The following NFAM1 variants were observed in gnomAD, a reference collection of about 807,000 sequenced individuals.
NFAM1 encodes NFAT activating protein with ITAM motif 1.
Under a neutral mutation model 29.0 loss-of-function variants are expected in NFAM1, and 17 were observed. The ratio of observed to expected loss-of-function variants is 0.59; its 90% CI spans 0.40 to 0.88. The LOEUF (loss-of-function observed/expected upper bound fraction) is 0.88, where lower values mean the gene tolerates loss of function less well. Among genes scored for constraint, NFAM1 ranks in the 40% least tolerant of loss-of-function variants. The pLI is 0.00. For missense variants in NFAM1, 324 were observed against 344.6 expected (o/e 0.94, Z 0.47); for synonymous variants, 175 against 147.2 (o/e 1.19, Z -1.36).
At chr22:42,390,297 C>T (rs1397008182) in intron 4 of NFAM1, among the ~76,000 whole-genome samples, 1 of 152,098 alleles carries the variant, frequency 6.6e-6, no homozygotes, top group Non-Finnish European at 1.5e-5. Flanking sequence ...AGGCTTCTGC[C>T]CATCATATAG....
At chr22:42,389,672 G>GGGGGGCTGGGCTGGGCTGGGCT (rs1281526025) in intron 4 of NFAM1, among the ~76,000 whole-genome samples, 1 of 144,960 alleles carries the variant, frequency 6.9e-6, no homozygotes, top group Non-Finnish European at 1.5e-5. Flanking sequence ...GTTGGGGGCT[G>GGGGGGCTGGGCTGGGCTGGGCT]GGGGGCTGGG....
chr22:42,429,859 G>T (rs1407810988), intron 1 of NFAM1, among the ~76,000 whole-genome samples: 3 of 152,180 alleles, frequency 2.0e-5, no homozygotes, highest in Non-Finnish European at 4.4e-5. Context: ...TGGAAGATGT[G>T]GGAGGGGCAA....
intron 1 of NFAM1, among the ~76,000 whole-genome samples, chr22:42,412,196 C>G (rs553433258): frequency 2.4e-4 from 37 of 151,982 alleles, no homozygotes; most frequent in African/African-American, 8.5e-4. Flanking sequence ...CATGCCACTG[C>G]ACTCTAGCCT....
intron 1 of NFAM1, among the ~76,000 whole-genome samples, chr22:42,412,854 G>A (rs1338553885): frequency 6.6e-6 from 1 of 152,168 alleles, no homozygotes; most frequent in Non-Finnish European, 1.5e-5. Flanking sequence ...GGGCCATTTC[G>A]GCTGTGATCA....
chr22:42,431,580 T>C (rs914461761), intron 1 of NFAM1, among the ~76,000 whole-genome samples: 3 of 152,124 alleles, frequency 2.0e-5, no homozygotes, highest in African/African-American at 7.2e-5. Context: ...ACCCCACAGC[T>C]TGGCTCGGAT....
At chr22:42,423,206 C>T (rs1254107736) in intron 1 of NFAM1, among the ~76,000 whole-genome samples, 2 of 151,304 alleles carry the variant, frequency 1.3e-5, no homozygotes, top group African/African-American at 4.9e-5. Flanking sequence ...AAAGTCTCAC[C>T]AAGGAGGGCC....
chr22:42,430,016 A>G (rs185142098), intron 1 of NFAM1, among the ~76,000 whole-genome samples: 13 of 152,214 alleles, frequency 8.5e-5, no homozygotes, highest in Admixed American at 8.5e-4. Context: ...TAATCCCAGC[A>G]CTTTGGGAGG....
In NFAM1 at chr22:42,432,286, G is replaced by A; in HGVS notation, c.72C>T (p.Pro24=). The stretch of plus-strand genomic sequence containing the variant: ...GCAGCAGCACGCCAAGGAGGAGCCA[G>A]GGGGCTGCGGGGAGCCCAGGAGGGC... ...LPRPPGLPAA[P]WLLLGVLLLP... Residue 24 remains proline, a synonymous_variant, in exon 1 of 6, where the codon CCC becomes CCT. Coordinates refer to ENST00000329021, the MANE Select transcript of NFAM1 (RefSeq NM_145912.8). The A allele has an allele frequency of 1.3e-6, 2 of 1,572,158 alleles. No individual in the cohort carries two copies. Among genetic ancestry groups the A allele is most frequent in the Non-Finnish European group, 8.6e-7 (1 of 1,158,368 alleles).
chr22:42,432,200 G>A lies in NFAM1; in HGVS notation c.121+37C>T, dbSNP rs563880549. On this transcript the variant is annotated intron_variant, in intron 1 of 5. Coordinates refer to ENST00000329021, the MANE Select transcript of NFAM1 (RefSeq NM_145912.8). ...ATGAAAGCCGCTCTGATGTTCTGGA[G>A]CGAGAGAGTAGAGAGAAGGAGGAAG... 197 of 1,536,380 alleles carry A rather than the reference G, an allele frequency of 1.3e-4. No individual in the cohort carries two copies. The South Asian group carries it at 2.3e-3, about 18-fold the overall frequency.
intron 1 of NFAM1, among the ~76,000 whole-genome samples, chr22:42,427,472 C>T (rs1930660285): frequency 6.6e-6 from 1 of 152,220 alleles, no homozygotes; most frequent in Non-Finnish European, 1.5e-5. Flanking sequence ...ATTTCCTGAG[C>T]ATCTGCTGGG....
intron 1 of NFAM1, among the ~76,000 whole-genome samples, chr22:42,431,118 C>A (rs1311810841): frequency 1.3e-5 from 2 of 152,208 alleles, no homozygotes; most frequent in Non-Finnish European, 2.9e-5. Context: ...CCGAGGGGCC[C>A]AGCTTGGGGC....
rs557609616 is a variant in NFAM1 at position 42,384,363 on chromosome 22, C to T, written c.*798G>A. On this transcript the variant is annotated 3_prime_UTR_variant, in exon 6 of 6. Coordinates refer to ENST00000329021, the MANE Select transcript of NFAM1 (RefSeq NM_145912.8). ...GGGCCAGGCCAATGGGAGTGGGAAC[C>T]CTTGGGAGAGGGAGCTTCAGGCCAT... 2 of 153,234 alleles carry T rather than the reference C, an allele frequency of 1.3e-5. No individual in the cohort carries two copies. The highest frequency in any genetic ancestry group is 2.1e-4 in the South Asian group (1 of 4,818). 9.5% of individuals were successfully genotyped at this position (153,234 alleles called of 1,614,324 possible).
intron 5 of NFAM1, 48 bp downstream of exon 5, chr22:42,386,941 G>A: frequency 9.8e-7 from 1 of 1,021,330 alleles, no homozygotes; most frequent in Non-Finnish European, 1.4e-6. Context: ...GTGATGGGAG[G>A]GTCAGATGGA....
At chr22:42,428,312 C>T (rs961299810) in intron 1 of NFAM1, among the ~76,000 whole-genome samples, 4 of 152,134 alleles carry the variant, frequency 2.6e-5, no homozygotes, top group South Asian at 2.1e-4. Flanking sequence ...GCCTGTGCCT[C>T]GAAAGTCCTT....
intron 4 of NFAM1, among the ~76,000 whole-genome samples, chr22:42,391,876 C>T (rs1389567308): frequency 7.4e-6 from 1 of 134,618 alleles, no homozygotes; most frequent in Non-Finnish European, 1.5e-5. Flanking sequence ...ACCTGGGAGG[C>T]GGAGGTTGCA....
Position 42,386,961 on chromosome 22 carries a change from C to T in NFAM1, c.753+28G>A, listed in dbSNP as rs774724917. ...GGGAGGGTCAGATGGAGCAAGAAGC[C>T]AGGCTTGGTGCCCCAGCGCCTGTGT... On this transcript the variant is annotated intron_variant, in intron 5 of 5. Coordinates refer to ENST00000329021, the MANE Select transcript of NFAM1 (RefSeq NM_145912.8). 1.2e-5 allele frequency: 16 copies of T among 1,316,862 alleles called. No individual in the cohort carries two copies. The South Asian group carries it at 1.9e-4, about 16-fold the overall frequency. The allele number at this position is 1,316,862 out of a possible 1,614,324, so 81.6% of individuals were successfully genotyped here.
upstream of NFAM1, among the ~76,000 whole-genome samples, chr22:42,435,785 C>G (rs542710289): frequency 1.3e-5 from 2 of 151,398 alleles, no homozygotes; most frequent in Admixed American, 6.6e-5. Flanking sequence ...CCCCTACCCA[C>G]GACCACCTCC....
rs1439390827 is a variant in NFAM1, at chr22:42,419,999, T to G, written c.122-8263A>C. Among the ~76,000 whole-genome samples, 669 of 90,820 alleles carry G rather than the reference T, an allele frequency of 7.4e-3. 26 individuals are homozygous for G. The highest frequency in any genetic ancestry group is 0.012 in the African/African-American group (249 of 20,014). 59.6% of individuals were successfully genotyped at this position (90,820 alleles called of 152,430 possible). On this transcript the variant is annotated intron_variant, in intron 1 of 5. Coordinates refer to ENST00000329021, the MANE Select transcript of NFAM1 (RefSeq NM_145912.8). The surrounding 1 kb of genome is among the most constrained non-coding windows in gnomAD (Gnocchi z 4.5). Reference sequence around the variant, plus strand: ...TGTAATCCCACTCTTGGTTTTTTTTTTTTTTTTTTTTTTTTTTTTTTTTTT... The same window carrying G: ...TGTAATCCCACTCTTGGTTTTTTTTGTTTTTTTTTTTTTTTTTTTTTTTTT...
At chr22:42,393,000 A>G (rs1929395698) in intron 4 of NFAM1, among the ~76,000 whole-genome samples, 1 of 151,954 alleles carries the variant, frequency 6.6e-6, no homozygotes, top group Admixed American at 6.6e-5. Flanking sequence ...GGGTTTCATC[A>G]TGTTGGCCAG....
Sources: gnomAD v4.1 joint callset for allele counts (sites outside exome capture counted in the v4.1 genomes callset) on GRCh38, gnomAD v4.1.1 for gene constraint, Gnocchi (gnomAD v3.1) non-coding constraint, MANE v1.5 for transcripts, NCBI Gene and HGNC (gene_info 2026-07-23, HGNC 2026-07-21) for gene names.